CHN2: variants seen among roughly 807,000 people sequenced by gnomAD.
The protein encoded by CHN2 is beta-chimaerin.
Under a neutral mutation model 56.3 loss-of-function variants are expected in CHN2, and 35 were observed. The observed-to-expected ratio is 0.62, with a 90% CI of 0.47 to 0.82. The LOEUF (loss-of-function observed/expected upper bound fraction) is 0.82, where lower values mean the gene tolerates loss of function less well. Among genes scored for constraint, CHN2 ranks in the 40% least tolerant of loss-of-function variants. CHN2 has a pLI of 0.00. For missense variants in CHN2, 491 were observed against 580.5 expected (o/e 0.85, Z 1.58); for synonymous variants, 210 against 212.8 (o/e 0.99, Z 0.12).
intron 1 of CHN2, among the ~76,000 whole-genome samples, chr7:29,350,342 A>G (rs1211421097): frequency 6.6e-6 from 1 of 152,080 alleles, no homozygotes; most frequent in Non-Finnish European, 1.5e-5. Flanking sequence ...TTTGAAAAGT[A>G]TTGTTTGAAA....
At chr7:29,343,673 C>G (rs1340408535) in intron 1 of CHN2, among the ~76,000 whole-genome samples, 2 of 152,016 alleles carry the variant, frequency 1.3e-5, no homozygotes, top group Non-Finnish European at 2.9e-5. Flanking sequence ...GGTTTCTCTC[C>G]TATCGCTCTG....
chr7:29,170,859 G>A (rs1483640633), intron 2 of CHN2, among the ~76,000 whole-genome samples: 2 of 152,170 alleles, frequency 1.3e-5, no homozygotes, highest in African/African-American at 4.8e-5. Context: ...GGTAAAGAGA[G>A]AGCTTGTGCA....
chr7:29,428,226 C>T (rs1331014925), intron 6 of CHN2, among the ~76,000 whole-genome samples: 1 of 152,172 alleles, frequency 6.6e-6, no homozygotes, highest in Non-Finnish European at 1.5e-5. Flanking sequence ...TAGTAGAGTG[C>T]TTAAACAGAC....
At chr7:29,304,328 C>T (rs73297225) in intron 1 of CHN2, among the ~76,000 whole-genome samples, 1,781 of 152,204 alleles carry the variant, frequency 0.012, 33 homozygotes, top group African/African-American at 0.041. Context: ...TGGTGCGAGA[C>T]GTAGCTGAGA....
chr7:29,428,543 G>T (rs1805111737), intron 6 of CHN2, among the ~76,000 whole-genome samples: 1 of 152,096 alleles, frequency 6.6e-6, no homozygotes, highest in African/African-American at 2.4e-5. Flanking sequence ...TTCCAACTGT[G>T]TCTCTGCAAA....
chr7:29,384,474 C>T (rs1800772888), intron 3 of CHN2, among the ~76,000 whole-genome samples: 1 of 152,118 alleles, frequency 6.6e-6, no homozygotes, highest in Non-Finnish European at 1.5e-5. Context: ...AATACCCACA[C>T]TGAAGGCACT....
intron 11 of CHN2, 119 bp downstream of exon 11, chr7:29,507,484 G>A: frequency 1.3e-6 from 1 of 764,446 alleles, no homozygotes; most frequent in Non-Finnish European, 2.1e-6. Context: ...GTCTTGTCAA[G>A]TGAGGGCACA....
chr7:29,508,094 A>T (rs1790811029), intron 11 of CHN2, among the ~76,000 whole-genome samples: 1 of 152,156 alleles, frequency 6.6e-6, no homozygotes, highest in Non-Finnish European at 1.5e-5. Flanking sequence ...TCTCTCATGT[A>T]CCCCATGTGG....
At chr7:29,412,157 G>GGAATGTA (rs1803275751) in intron 6 of CHN2, among the ~76,000 whole-genome samples, 1 of 152,080 alleles carries the variant, frequency 6.6e-6, no homozygotes, top group Admixed American at 6.5e-5. Context: ...GAAATGGGTA[G>GGAATGTA]GAATGTAGCA....
At chr7:29,275,864 A>C (rs1173628396) in intron 1 of CHN2, among the ~76,000 whole-genome samples, 3 of 152,220 alleles carry the variant, frequency 2.0e-5, no homozygotes, top group Non-Finnish European at 4.4e-5. Flanking sequence ...GTTTGAGTTC[A>C]GCAGGTTGCA....
At chr7:29,317,253 T>G (rs761603044) in intron 1 of CHN2, among the ~76,000 whole-genome samples, 1 of 152,204 alleles carries the variant, frequency 6.6e-6, no homozygotes, top group Non-Finnish European at 1.5e-5. Context: ...CTCTGCAAAT[T>G]TAAAAGTCAC....
intron 6 of CHN2, chr7:29,445,037 C>T (rs1376333573): frequency 9.1e-6 from 4 of 437,576 alleles, no homozygotes; most frequent in African/African-American, 8.0e-5. Context: ...GAGACAGAGG[C>T]TACGCAAAAT....
intron 1 of CHN2, among the ~76,000 whole-genome samples, chr7:29,203,171 A>C (rs1784282046): frequency 6.6e-6 from 1 of 152,234 alleles, no homozygotes; most frequent in African/African-American, 2.4e-5. Flanking sequence ...TTAGGTGATA[A>C]TATTTTGGAT....
At chr7:29,216,136 A>G (rs1785321927) in intron 1 of CHN2, among the ~76,000 whole-genome samples, 1 of 152,166 alleles carries the variant, frequency 6.6e-6, no homozygotes, top group Non-Finnish European at 1.5e-5. Flanking sequence ...ATTTTCCTCA[A>G]AATTAAAAAA....
At chr7:29,339,574 C>T (rs754860949) in intron 1 of CHN2, among the ~76,000 whole-genome samples, 10 of 152,028 alleles carry the variant, frequency 6.6e-5, no homozygotes, top group South Asian at 2.1e-4. Flanking sequence ...CAATGCTAGC[C>T]GGGCACGGTG....
intron 1 of CHN2, among the ~76,000 whole-genome samples, chr7:29,263,662 C>T (rs56263879): frequency 0.17 from 24,792 of 146,964 alleles, 2,397 homozygotes; most frequent in Non-Finnish European, 0.22. Flanking sequence ...AAGTGAGGAG[C>T]GCCTCTTCCC....
At chr7:29,493,745 A>G (rs930737136) in intron 7 of CHN2, among the ~76,000 whole-genome samples, 10 of 152,050 alleles carry the variant, frequency 6.6e-5, no homozygotes, top group Non-Finnish European at 2.9e-5. Flanking sequence ...TCCACTTTCC[A>G]TCTCCACTGC....
At chr7:29,468,620 C>T (rs1462794314) in intron 6 of CHN2, among the ~76,000 whole-genome samples, 1 of 152,164 alleles carries the variant, frequency 6.6e-6, no homozygotes, top group Non-Finnish European at 1.5e-5. Context: ...CTCCCCGGTA[C>T]TCCCAGCACT....
intron 7 of CHN2, among the ~76,000 whole-genome samples, chr7:29,485,660 G>A (rs1787884542): frequency 6.6e-6 from 1 of 152,206 alleles, no homozygotes; most frequent in South Asian, 2.1e-4. Context: ...AGAACTTGGA[G>A]TCAGAAATGT....
Sources: gnomAD v4.1 joint callset for allele counts (sites outside exome capture counted in the v4.1 genomes callset) on GRCh38, gnomAD v4.1.1 for gene constraint, MANE v1.5 for transcripts, NCBI Gene and HGNC (gene_info 2026-07-23, HGNC 2026-07-21) for gene names.